TEAD3: variants seen among roughly 807,000 people sequenced by gnomAD.
TEAD3 encodes the protein TEA domain transcription factor 3.
A neutral mutation model predicts 55.6 loss-of-function variants in TEAD3; 15 were observed. The observed-to-expected ratio is 0.27, with a 90% CI of 0.18 to 0.42. The LOEUF (loss-of-function observed/expected upper bound fraction) is 0.42. Ranked by LOEUF, TEAD3 falls within the 10% of genes least tolerant of loss-of-function variation. TEAD3 has a pLI of 1.00. For synonymous variants in TEAD3, 210 were observed against 232.2 expected (o/e 0.90, Z 0.87); for missense variants, 407 against 576.8 (o/e 0.71, Z 3.01).
At position 35,479,414 on chromosome 6, in the gene TEAD3, G is replaced by A. The variant is rs192551587; in HGVS notation, c.331-98C>T. 4 of 1,487,436 alleles carry A rather than the reference G, an allele frequency of 2.7e-6. No individual in the cohort carries two copies. In the Admixed American group the frequency reaches 6.9e-5, roughly 26 times the overall value. 92.1% of individuals were successfully genotyped at this position (1,487,436 alleles called of 1,614,324 possible). A position where few individuals can be genotyped will look rare whatever the true frequency, so the allele number is the denominator to read the frequency against. On this transcript the variant is annotated intron_variant, in intron 4 of 12. Transcript: ENST00000639578. The stretch of plus-strand genomic sequence containing the variant: ...GCGCCTACCTCCACCCAGTGCCCAT[G>A]GGTTTTAGCTTCCGAGGAGCCCAAG...
chr6:35,495,422 TG>T (rs1003424035), intron 1 of TEAD3, among the ~76,000 whole-genome samples: 1 of 152,088 alleles, frequency 6.6e-6, no homozygotes, highest in Non-Finnish European at 1.5e-5. Context: ...GTTCCCTCCC[TG>T]GGGGGGTAGG....
intron 8 of TEAD3, among the ~76,000 whole-genome samples, chr6:35,476,770 T>G (rs377291595): frequency 5.3e-5 from 8 of 152,152 alleles, no homozygotes; most frequent in Admixed American, 4.6e-4. Flanking sequence ...TCCATAGAGA[T>G]GTGTGTAAAT....
chr6:35,473,711 C>A (rs1314631135), downstream of TEAD3: 10 of 145,642 alleles, frequency 6.9e-5, no homozygotes, highest in African/African-American at 2.4e-4. Context: ...TATGATATAA[C>A]CCATCACAGC....
At chr6:35,480,266 G>A in intron 3 of TEAD3, 46 bp downstream of exon 4, 1 of 1,603,720 alleles carries the variant, frequency 6.2e-7, no homozygotes, top group Non-Finnish European at 8.5e-7. Context: ...CGCCGTGGGT[G>A]AGGGGCCCAG....
rs896907915 is a variant in TEAD3 at position 35,486,248 on chromosome 6, G to T, written c.202+213C>A. Among the ~76,000 whole-genome samples, 5 of 152,214 alleles carry T rather than the reference G, an allele frequency of 3.3e-5. No homozygotes were observed. The highest frequency in any genetic ancestry group is 6.5e-5 in the Admixed American group (1 of 15,292). ...AGCGGGGAGGAGAGGAGGAGCAGGCGGGGGTGCCAAGGTGTGGGCTGCGCC... is the reference window on the plus strand; with the variant it reads ...AGCGGGGAGGAGAGGAGGAGCAGGCTGGGGTGCCAAGGTGTGGGCTGCGCC... On this transcript the variant is annotated intron_variant, in intron 2 of 12. Coordinates refer to ENST00000639578, the Ensembl canonical transcript of TEAD3. This position sits in a 1 kb window ranked among gnomAD's most constrained non-coding sequence, Gnocchi z 7.3.
intron 5 of TEAD3, 154 bp from the exon 6 acceptor site, chr6:35,478,725 T>C: frequency 9.3e-7 from 1 of 1,072,284 alleles, no homozygotes; most frequent in Non-Finnish European, 1.3e-6. Flanking sequence ...CTCTGCTGTG[T>C]GATCTTGGGA....
At chr6:35,482,036 G>A (rs554115778) in intron 3 of TEAD3, among the ~76,000 whole-genome samples, 22 of 152,326 alleles carry the variant, frequency 1.4e-4, no homozygotes, top group South Asian at 2.1e-4. Flanking sequence ...CCAGGCTAGA[G>A]TGCAGTGGCG....
At chr6:35,489,044 A>G (rs1482389967) in intron 1 of TEAD3, among the ~76,000 whole-genome samples, 1 of 152,274 alleles carries the variant, frequency 6.6e-6, no homozygotes. Context: ...GGCGTGAGCC[A>G]CTGCGCCCGG....
chr6:35,486,499 C>T lies in TEAD3; in HGVS notation c.164G>A (p.Arg55Gln). The change falls in exon 2 of 13, where the codon CGG (arginine) becomes CAG (glutamine). Residue 55 changes from arginine (R) to glutamine (Q), a missense_variant. Physicochemically the swap from Arg to Gln is conservative, Grantham distance 43. Coordinates refer to ENST00000639578, the Ensembl canonical transcript of TEAD3. The surrounding 1 kb of genome is among the most constrained non-coding windows in gnomAD (Gnocchi z 7.3). ...CTCGTCTGACAGGATGATCTTCCGCCGGCCGCAGGGCGGGTAGATGGCCAG... is the reference window on the plus strand; with the variant it reads ...CTCGTCTGACAGGATGATCTTCCGCTGGCCGCAGGGCGGGTAGATGGCCAG... 1 of 1,613,436 alleles carries T rather than the reference C, an allele frequency of 6.2e-7. No individual in the cohort carries two copies. Among genetic ancestry groups the T allele is most frequent in the South Asian group, 1.1e-5 (1 of 91,076 alleles).
intron 1 of TEAD3, among the ~76,000 whole-genome samples, chr6:35,493,804 C>T (rs114789179): frequency 0.017 from 2,581 of 152,316 alleles, 66 homozygotes; most frequent in African/African-American, 0.058. Flanking sequence ...CAGCATCGTG[C>T]GAGTGCGGTG....
Position 35,477,391 on chromosome 6 carries a change from C to G in TEAD3, c.531-19G>C. On this transcript the variant is annotated intron_variant, in intron 7 of 12. Transcript: ENST00000639578. ...CTTGATGCTGCAGACAGGAGCACAG[C>G]CTGGTGAGAGGGTTCCCTCTTCCCT... 1 of 1,597,204 alleles carries G rather than the reference C, an allele frequency of 6.3e-7. No homozygotes were observed. Among genetic ancestry groups the G allele is most frequent in the Non-Finnish European group, 8.5e-7 (1 of 1,178,678 alleles).
At position 35,486,477 on chromosome 6, in the gene TEAD3, G is replaced by C. The variant is rs370631325; in HGVS notation, c.186C>G (p.Asp62Glu). 3 of 1,612,948 alleles carry C rather than the reference G, an allele frequency of 1.9e-6. No individual in the cohort carries two copies. Among genetic ancestry groups the C allele is most frequent in the Non-Finnish European group, 2.5e-6 (3 of 1,179,592 alleles). The change falls in exon 2 of 13, where the codon GAC becomes GAG. Residue 62 changes from aspartate to glutamate, a missense_variant. Physicochemically the swap from Asp to Glu is conservative, Grantham distance 45. Transcript: ENST00000639578. The surrounding 1 kb of genome is among the most constrained non-coding windows in gnomAD (Gnocchi z 7.3). Reference sequence around the variant, plus strand: ...GGCACGCACCGTACATCTTGCCCTCGTCTGACAGGATGATCTTCCGCCGGC... The same window carrying C: ...GGCACGCACCGTACATCTTGCCCTCCTCTGACAGGATGATCTTCCGCCGGC...
At chr6:35,489,530 C>T (rs941343720) in intron 1 of TEAD3, among the ~76,000 whole-genome samples, 2 of 152,156 alleles carry the variant, frequency 1.3e-5, no homozygotes, top group African/African-American at 2.4e-5. Flanking sequence ...GCCGTACAGC[C>T]CTTTCTGTGA....
intron 9 of TEAD3, 79 bp downstream of exon 9, chr6:35,476,223 C>A: frequency 1.3e-6 from 2 of 1,563,834 alleles, no homozygotes; most frequent in Non-Finnish European, 1.7e-6. Context: ...ACCCCCAGAT[C>A]CTGAGTTGCA....
At chr6:35,480,926 T>TA (rs1561804940) in intron 3 of TEAD3, among the ~76,000 whole-genome samples, 5 of 152,148 alleles carry the variant, frequency 3.3e-5, no homozygotes, top group Non-Finnish European at 4.4e-5. Flanking sequence ...ATGGTGCTCC[T>TA]GTTGGCCACT....
chr6:35,481,117 G>A (rs1301367740), intron 3 of TEAD3, among the ~76,000 whole-genome samples: 1 of 151,794 alleles, frequency 6.6e-6, no homozygotes, highest in Non-Finnish European at 1.5e-5. Flanking sequence ...ATGCTAGTGT[G>A]TATATATGTA....
Position 35,475,506 on chromosome 6 carries a change from A to G in TEAD3, c.1042-18T>C. ...TACTCAGTCTGCAGAGAATATGGAG[A>G]AGGCGTCACTCGGCCTGCCTGCTCC... On this transcript the variant is annotated intron_variant, in intron 11 of 12. Coordinates refer to ENST00000639578, the Ensembl canonical transcript of TEAD3. The surrounding 1 kb of genome is among the most constrained non-coding windows in gnomAD (Gnocchi z 5.4). The G allele has an allele frequency of 1.9e-6, 3 of 1,607,362 alleles. No individual in the cohort carries two copies. The highest frequency in any genetic ancestry group is 1.3e-5 in the African/African-American group (1 of 74,892).
At position 35,485,800 on chromosome 6, in the gene TEAD3, G is replaced by C. The variant is rs1359272546; in HGVS notation, c.202+661C>G. Among the ~76,000 whole-genome samples, 1 of 152,124 alleles carries C rather than the reference G, an allele frequency of 6.6e-6. No individual in the cohort carries two copies. Among genetic ancestry groups the C allele is most frequent in the East Asian group, 1.9e-4 (1 of 5,158 alleles). ...CCCTGGGAAGGGCTGGGCCTGCCTC[G>C]CTCAGCCACGGGCTGCTGGGAGGAA... On this transcript the variant is annotated intron_variant, in intron 2 of 12. Transcript: ENST00000639578. The surrounding 1 kb of genome is among the most constrained non-coding windows in gnomAD (Gnocchi z 4.3).
downstream of TEAD3, chr6:35,473,629 ATTTTTTTTTTT>A (rs569676341): frequency 8.1e-6 from 1 of 123,778 alleles, no homozygotes; most frequent in Non-Finnish European, 1.7e-5. Context: ...AATAACTTTA[ATTTTTTTTTTT>A]TTTTTTTTTT....
Sources: gnomAD v4.1 joint callset for allele counts (sites outside exome capture counted in the v4.1 genomes callset) on GRCh38, gnomAD v4.1.1 for gene constraint, Gnocchi (gnomAD v3.1) non-coding constraint, MANE v1.5 for transcripts, NCBI Gene and HGNC (gene_info 2026-07-23, HGNC 2026-07-21) for gene names.